The following MICU1 variants were observed in gnomAD, a reference collection of about 807,000 sequenced individuals.
MICU1 encodes calcium uptake protein 1, mitochondrial.
A neutral mutation model predicts 56.8 loss-of-function variants in MICU1; 45 were observed. That is an observed-to-expected ratio of 0.79 (90% CI 0.62 to 1.02). The LOEUF (loss-of-function observed/expected upper bound fraction) is 1.02, where lower values mean the gene tolerates loss of function less well. Among genes scored for constraint, MICU1 ranks in the 50% least tolerant of loss-of-function variants. The pLI is 0.00. For missense variants in MICU1, 504 were observed against 587.1 expected, an observed-to-expected ratio of 0.86 and a Z score of 1.46; for synonymous variants, 186 against 195.1, an observed-to-expected ratio of 0.95 and a Z score of 0.39.
Position 72,533,752 on chromosome 10 carries a change from A to G in MICU1, c.531T>C (p.Asp177=). 6.2e-7 allele frequency: 1 copy of G among 1,602,330 alleles called. No individual in the cohort carries two copies. The highest frequency in any genetic ancestry group is 8.5e-7 in the Non-Finnish European group (1 of 1,173,026). ...AGTGTCATAGTTTGCTCACCTTTCC[A>G]TCAAAGCGTTTTATTATATATTGAT... ...GLDQYIIKRF[D]GKKISQEREK... is the part of the protein sequence containing the mutation. Residue 177 remains aspartate (D), a synonymous_variant, in exon 5 of 12, where the codon GAT becomes GAC. Coordinates refer to ENST00000361114, the MANE Select transcript of MICU1 (RefSeq NM_001195518.2).
chr10:72,465,123 C>T (rs1865749692), intron 8 of MICU1, among the ~76,000 whole-genome samples: 1 of 152,082 alleles, frequency 6.6e-6, no homozygotes, highest in South Asian at 2.1e-4. Context: ...GCCTCAGCCT[C>T]CCGAGTAGCT....
intron 1 of MICU1, among the ~76,000 whole-genome samples, chr10:72,609,550 C>G (rs1050524797): frequency 1.3e-5 from 2 of 150,612 alleles, no homozygotes; most frequent in African/African-American, 2.4e-5. Flanking sequence ...CTGGCTAACA[C>G]GGTGAAACCC....
At chr10:72,462,427 C>G (rs1035090364) in intron 8 of MICU1, among the ~76,000 whole-genome samples, 2 of 152,006 alleles carry the variant, frequency 1.3e-5, no homozygotes, top group Non-Finnish European at 1.5e-5. Context: ...ACATAAAGCA[C>G]TTAGAATAGT....
At chr10:72,397,030 G>C (rs751803844) in intron 10 of MICU1, among the ~76,000 whole-genome samples, 11 of 152,156 alleles carry the variant, frequency 7.2e-5, no homozygotes, top group Non-Finnish European at 1.5e-4. Flanking sequence ...GAGCAGCAGA[G>C]AGAAAGGTCG....
intron 6 of MICU1, among the ~76,000 whole-genome samples, chr10:72,490,851 G>A (rs564451283): frequency 2.0e-5 from 3 of 152,320 alleles, no homozygotes; most frequent in South Asian, 2.1e-4. Flanking sequence ...TGCCTAGGAG[G>A]CAGCGAGTTT....
chr10:72,569,237 A>ATTTTTTTTTTTTTTTTT (rs1178823534), intron 1 of MICU1, among the ~76,000 whole-genome samples: 11 of 34,380 alleles, frequency 3.2e-4, no homozygotes, highest in African/African-American at 1.3e-3. Flanking sequence ...ATATATATAT[A>ATTTTTTTTTTTTTTTTT]TTTTTTTTTT....
intron 5 of MICU1, chr10:72,523,971 T>C (rs1867896985): frequency 3.0e-6 from 4 of 1,318,782 alleles, no homozygotes; most frequent in Non-Finnish European, 3.9e-6. Flanking sequence ...TTAAGCCATT[T>C]TACTGAGCAA....
intron 8 of MICU1, among the ~76,000 whole-genome samples, chr10:72,464,278 A>G (rs1247300099): frequency 1.5e-5 from 2 of 137,070 alleles, no homozygotes; most frequent in Non-Finnish European, 3.1e-5. Context: ...CCGGGGTGAC[A>G]GAGTGAGATT....
At chr10:72,455,350 CAAAAAAA>C (rs56378605) in intron 8 of MICU1, among the ~76,000 whole-genome samples, 2,525 of 44,104 alleles carry the variant, frequency 0.057, 83 homozygotes, top group African/African-American at 0.16. Flanking sequence ...GACTCTGTCT[CAAAAAAA>C]AAAAAAAAAA....
At chr10:72,488,627 G>A (rs1206665104) in intron 6 of MICU1, among the ~76,000 whole-genome samples, 1 of 152,164 alleles carries the variant, frequency 6.6e-6, no homozygotes, top group Non-Finnish European at 1.5e-5. Context: ...AAATGCATAT[G>A]TAACAGATTT....
intron 8 of MICU1, among the ~76,000 whole-genome samples, chr10:72,456,164 G>C (rs1276740194): frequency 6.6e-6 from 1 of 152,200 alleles, no homozygotes; most frequent in African/African-American, 2.4e-5. Context: ...CCACTGGGTA[G>C]CAAGATAAAC....
At chr10:72,521,301 T>G (rs1867813776) in intron 5 of MICU1, among the ~76,000 whole-genome samples, 1 of 152,242 alleles carries the variant, frequency 6.6e-6, no homozygotes, top group Admixed American at 6.5e-5. Context: ...ACCGTGTTGA[T>G]GAAGGACTTT....
chr10:72,533,272 A>T, intron 5 of MICU1: 1 of 589,898 alleles, frequency 1.7e-6, no homozygotes, highest in Non-Finnish European at 2.5e-6. Context: ...ATAAATAATT[A>T]AAAATAAGTA....
chr10:72,473,701 T>C (rs1419786659), intron 8 of MICU1, among the ~76,000 whole-genome samples: 1 of 152,054 alleles, frequency 6.6e-6, no homozygotes, highest in East Asian at 1.9e-4. Context: ...GCACAGAAAG[T>C]GGCTCTAGGG....
intron 5 of MICU1, among the ~76,000 whole-genome samples, chr10:72,510,966 C>A (rs1867428633): frequency 6.6e-6 from 1 of 152,118 alleles, no homozygotes; most frequent in Non-Finnish European, 1.5e-5. Context: ...AGCAAATTGT[C>A]CCAATAATTT....
chr10:72,490,236 T>G (rs992907466), intron 6 of MICU1, among the ~76,000 whole-genome samples: 5 of 152,222 alleles, frequency 3.3e-5, no homozygotes, highest in Non-Finnish European at 7.3e-5. Flanking sequence ...TGTATGTATG[T>G]ATATGTATGT....
At chr10:72,450,665 G>A (rs909001266) in intron 8 of MICU1, among the ~76,000 whole-genome samples, 2 of 151,698 alleles carry the variant, frequency 1.3e-5, no homozygotes, top group East Asian at 3.9e-4. Flanking sequence ...TCTCTTGCTG[G>A]TGCTAGCAGA....
intron 4 of MICU1, among the ~76,000 whole-genome samples, chr10:72,535,833 C>A (rs1564923681): frequency 6.6e-6 from 1 of 152,110 alleles, no homozygotes. Flanking sequence ...AAATGCAAGT[C>A]ACATGTGTAA....
At chr10:72,512,683 TTTTTG>T (rs139345007) in intron 5 of MICU1, among the ~76,000 whole-genome samples, 1,597 of 148,040 alleles carry the variant, frequency 0.011, 13 homozygotes, top group Middle Eastern at 0.028. Context: ...ATGTTTTTGG[TTTTTG>T]TTTTGTTTTG....
Sources: allele counts gnomAD v4.1 joint callset (sites outside exome capture counted in the v4.1 genomes callset), GRCh38; gene constraint gnomAD v4.1.1; transcripts MANE v1.5; gene names NCBI Gene and HGNC (gene_info 2026-07-23, HGNC 2026-07-21).